PTPN9: variants seen among roughly 807,000 people sequenced by gnomAD.
PTPN9 encodes the protein tyrosine-protein phosphatase non-receptor type 9.
Under a neutral mutation model 69.8 loss-of-function variants are expected in PTPN9, and 26 were observed. The observed-to-expected ratio is 0.37, with a 90% CI of 0.27 to 0.52. PTPN9 has a LOEUF of 0.52. PTPN9 is among the 20% of genes least tolerant of loss of function. PTPN9 has a pLI of 0.91. For missense variants in PTPN9, 549 were observed against 740.3 expected (o/e 0.74, Z 3.00); for synonymous variants, 274 against 272.5 (o/e 1.01, Z -0.05).
chr15:75,484,346 A>G (rs1272091107), intron 8 of PTPN9, among the ~76,000 whole-genome samples: 1 of 152,238 alleles, frequency 6.6e-6, no homozygotes, highest in African/African-American at 2.4e-5. Flanking sequence ...AAGGCAAAAT[A>G]TGAATGGAGA....
At chr15:75,528,820 C>T (rs2074942407) in intron 1 of PTPN9, among the ~76,000 whole-genome samples, 1 of 151,926 alleles carries the variant, frequency 6.6e-6, no homozygotes, top group African/African-American at 2.4e-5. Flanking sequence ...CCTGTCCCCG[C>T]CTTCCGAGTA....
intron 5 of PTPN9, among the ~76,000 whole-genome samples, chr15:75,513,962 G>C (rs577058451): frequency 6.6e-6 from 1 of 151,854 alleles, no homozygotes; most frequent in Admixed American, 6.6e-5. Context: ...AGCTAGGTGT[G>C]GTGACGAGCA....
rs34674711 is a variant in PTPN9, at chr15:75,560,139, C to CA, written c.63+18574dup. Among the ~76,000 whole-genome samples, 560 of 132,226 alleles carry CA rather than the reference C, an allele frequency of 4.2e-3. 3 individuals carry two copies. Among genetic ancestry groups the CA allele is most frequent in the Middle Eastern group, 0.027 (7 of 258 alleles). 86.7% of individuals were successfully genotyped at this position (132,226 alleles called of 152,430 possible). ...TGGGCAACAGAGCAAGACTCCATCT[C>CA]AAAAAAAAAAAAAAAAATTTATCTG... On this transcript the variant is annotated intron_variant, in intron 1 of 12. Coordinates refer to ENST00000618819, the MANE Select transcript of PTPN9 (RefSeq NM_002833.4).
intron 7 of PTPN9, among the ~76,000 whole-genome samples, chr15:75,505,019 G>T (rs892191218): frequency 7.9e-5 from 12 of 152,288 alleles, no homozygotes; most frequent in African/African-American, 2.9e-4. Context: ...GGAATAGAAA[G>T]GGGGGAAAGG....
intron 9 of PTPN9, among the ~76,000 whole-genome samples, chr15:75,475,247 C>T (rs2074589383): frequency 6.6e-6 from 1 of 152,160 alleles, no homozygotes; most frequent in Non-Finnish European, 1.5e-5. Flanking sequence ...TCAGCAATAA[C>T]TTTGAAGATA....
chr15:75,515,741 T>C (rs1159058417), intron 5 of PTPN9, among the ~76,000 whole-genome samples: 2 of 150,792 alleles, frequency 1.3e-5, no homozygotes, highest in Non-Finnish European at 3.0e-5. Context: ...CTACCAAAAG[T>C]ACAAAAATTG....
intron 4 of PTPN9, 152 bp downstream of exon 4, chr15:75,522,969 A>G: frequency 1.1e-6 from 1 of 877,362 alleles, no homozygotes; most frequent in Non-Finnish European, 1.7e-6. Context: ...AAACATGCCG[A>G]GTTCTAAAGG....
At chr15:75,576,122 C>T (rs1224092145) in intron 1 of PTPN9, among the ~76,000 whole-genome samples, 2 of 143,786 alleles carry the variant, frequency 1.4e-5, no homozygotes, top group East Asian at 3.9e-4. Flanking sequence ...GTCACAGCTA[C>T]TTGGGAGGCT....
chr15:75,520,210 GCTC>G (rs1256461876), intron 4 of PTPN9, among the ~76,000 whole-genome samples: 2 of 152,048 alleles, frequency 1.3e-5, no homozygotes, highest in Non-Finnish European at 2.9e-5. Context: ...TTCTCCATGA[GCTC>G]CTCAAGGGTC....
At chr15:75,493,438 C>T (rs1473919088) in intron 7 of PTPN9, among the ~76,000 whole-genome samples, 1 of 151,680 alleles carries the variant, frequency 6.6e-6, no homozygotes, top group Non-Finnish European at 1.5e-5. Context: ...TTCCAGAATA[C>T]AAAACAAAAC....
intron 11 of PTPN9, 44 bp from the exon 12 acceptor site, chr15:75,470,043 C>T: frequency 6.6e-7 from 1 of 1,515,294 alleles, no homozygotes; most frequent in Non-Finnish European, 9.1e-7. Context: ...TTATTTCTGC[C>T]TGCCCCTAGC....
intron 5 of PTPN9, chr15:75,513,195 T>G (rs1357657941): frequency 6.7e-6 from 3 of 449,870 alleles, no homozygotes; most frequent in South Asian, 4.7e-5. Flanking sequence ...ACGTAATAGC[T>G]TCTACTTTTT....
intron 1 of PTPN9, among the ~76,000 whole-genome samples, chr15:75,574,811 G>A (rs968410748): frequency 1.4e-4 from 21 of 150,894 alleles, no homozygotes; most frequent in Non-Finnish European, 1.9e-4. Flanking sequence ...GTGTGGTGGC[G>A]GGCGCCTGTA....
intron 7 of PTPN9, among the ~76,000 whole-genome samples, chr15:75,503,434 G>A (rs1258842950): frequency 7.0e-4 from 98 of 139,832 alleles, no homozygotes; most frequent in South Asian, 3.2e-3. Context: ...GAGCCCCTCC[G>A]CCCGGCAGCC....
intron 8 of PTPN9, among the ~76,000 whole-genome samples, chr15:75,480,154 GT>G (rs2074620250): frequency 6.6e-6 from 1 of 152,070 alleles, no homozygotes; most frequent in Non-Finnish European, 1.5e-5. Flanking sequence ...GACTCAAAAT[GT>G]ATCACAGACC....
Position 75,465,969 on chromosome 15 carries a change from G to A in PTPN9, c.*2800C>T, listed in dbSNP as rs533896871. ...ACTTCTTATGTTTGTGCACTCCCAA[G>A]AGAATGGAGGCTCATCTGGAGAAGG... On this transcript the variant is annotated 3_prime_UTR_variant, in exon 13 of 13. Coordinates refer to ENST00000618819, the MANE Select transcript of PTPN9 (RefSeq NM_002833.4). 1.1e-4 allele frequency: 16 copies of A among 152,304 alleles called. No individual in the cohort carries two copies. The highest frequency in any genetic ancestry group is 3.8e-4 in the African/African-American group (16 of 41,562). The allele number at this position is 152,304 out of a possible 1,614,324, so 9.4% of individuals were successfully genotyped here.
intron 1 of PTPN9, among the ~76,000 whole-genome samples, chr15:75,556,160 G>A (rs1346194833): frequency 4.0e-5 from 6 of 150,350 alleles, no homozygotes; most frequent in Middle Eastern, 7.0e-3. Context: ...CACCTCCCAC[G>A]TTCAAGCAAT....
At position 75,467,067 on chromosome 15, in the gene PTPN9, G is replaced by A. The variant is rs1366785685; in HGVS notation, c.*1702C>T. 1 of 152,270 alleles carries A rather than the reference G, an allele frequency of 6.6e-6. No homozygotes were observed. The highest frequency in any genetic ancestry group is 1.9e-4 in the East Asian group (1 of 5,190). 9.4% of individuals were successfully genotyped at this position (152,270 alleles called of 1,614,324 possible). A position where few individuals can be genotyped will look rare whatever the true frequency, so the allele number is the denominator to read the frequency against. ...TGCCTCCCTCATCCCTCCCAGACCAGCTCCTGGACCCCCTCCCTCATGTCC... is the reference window on the plus strand; with the variant it reads ...TGCCTCCCTCATCCCTCCCAGACCAACTCCTGGACCCCCTCCCTCATGTCC... On this transcript the variant is annotated 3_prime_UTR_variant, in exon 13 of 13. Coordinates refer to ENST00000618819, the MANE Select transcript of PTPN9 (RefSeq NM_002833.4).
intron 1 of PTPN9, among the ~76,000 whole-genome samples, chr15:75,534,841 C>CT (rs916968007): frequency 1.2e-4 from 18 of 152,076 alleles, no homozygotes; most frequent in Middle Eastern, 3.4e-3. Flanking sequence ...GGTGTGCTGG[C>CT]TTGCGCCTGT....
Sources: allele counts gnomAD v4.1 joint callset (sites outside exome capture counted in the v4.1 genomes callset), GRCh38; gene constraint gnomAD v4.1.1; transcripts MANE v1.5; gene names NCBI Gene and HGNC (gene_info 2026-07-23, HGNC 2026-07-21).